ADAMTS9: variants seen among roughly 807,000 people sequenced by gnomAD.
The protein encoded by ADAMTS9 is A disintegrin and metalloproteinase with thrombospondin motifs 9.
ADAMTS9 carries 107 observed loss-of-function variants against 257.1 expected under a neutral mutation model. The observed-to-expected ratio is 0.42, with a 90% confidence interval of 0.36 to 0.49. ADAMTS9 has a LOEUF of 0.49. ADAMTS9 is among the 20% of genes least tolerant of loss of function. The pLI, the probability that ADAMTS9 is intolerant of heterozygous loss-of-function variation, is 0.03. For synonymous variants in ADAMTS9, 982 were observed against 880.9 expected (o/e 1.11, Z -2.03); for missense variants, 2,353 against 2,469.1 (o/e 0.95, Z 1.00).
chr3:64,554,233 G>A (rs1364940003), intron 30 of ADAMTS9, among the ~76,000 whole-genome samples: 2 of 152,190 alleles, frequency 1.3e-5, no homozygotes, highest in Non-Finnish European at 2.9e-5. Context: ...TTAAAGAATG[G>A]TTAACTACTG....
Position 64,522,038 on chromosome 3 carries a change from A to G in ADAMTS9, c.*5+128T>C. On this transcript the variant is annotated intron_variant, in intron 39 of 39. Coordinates refer to ENST00000498707, the MANE Select transcript of ADAMTS9 (RefSeq NM_182920.2). ...ACAGAGGAGCAGGAGATAAAAAGGT[A>G]GAACTGTATTGGGTCAGCTTCAAGA... 4.3e-6 allele frequency: 3 copies of G among 703,444 alleles called. No homozygotes were observed. The South Asian group carries it at 5.5e-5, about 13-fold the overall frequency. 43.6% of individuals were successfully genotyped at this position (703,444 alleles called of 1,614,324 possible).
At chr3:64,676,179 G>A (rs904222973) in intron 3 of ADAMTS9, among the ~76,000 whole-genome samples, 6 of 152,156 alleles carry the variant, frequency 3.9e-5, no homozygotes, top group Non-Finnish European at 7.3e-5. Context: ...TGGTTATTGA[G>A]ACTGCCTCAT....
At chr3:64,568,562 G>T (rs1308502668) in intron 28 of ADAMTS9, 27 bp from the exon 29 acceptor site, 2 of 1,607,198 alleles carry the variant, frequency 1.2e-6, no homozygotes, top group Admixed American at 1.7e-5. Context: ...TGGCAAGGTT[G>T]TTGTTGTTTT....
chr3:64,520,795 C>T (rs1405322069), intron 39 of ADAMTS9, among the ~76,000 whole-genome samples: 1 of 152,072 alleles, frequency 6.6e-6, no homozygotes, highest in Non-Finnish European at 1.5e-5. Context: ...CAAAAAATAA[C>T]TCAGGATACA....
chr3:64,547,699 A>G (rs1576004155), intron 31 of ADAMTS9, among the ~76,000 whole-genome samples: 1 of 151,866 alleles, frequency 6.6e-6, no homozygotes, highest in Non-Finnish European at 1.5e-5. Context: ...GTTGACTGGC[A>G]TGTTACCTTT....
At chr3:64,593,238 C>A (rs1043030263) in intron 28 of ADAMTS9, among the ~76,000 whole-genome samples, 1 of 152,128 alleles carries the variant, frequency 6.6e-6, no homozygotes, top group Non-Finnish European at 1.5e-5. Context: ...AGACACGACC[C>A]CAGCCATTGA....
At chr3:64,581,738 CT>C (rs1456605894) in intron 28 of ADAMTS9, among the ~76,000 whole-genome samples, 1 of 152,192 alleles carries the variant, frequency 6.6e-6, no homozygotes, top group Non-Finnish European at 1.5e-5. Context: ...ATCCACTTCC[CT>C]TATGGAAAAC....
intron 28 of ADAMTS9, among the ~76,000 whole-genome samples, chr3:64,578,446 C>G (rs1461259920): frequency 1.3e-5 from 2 of 152,166 alleles, no homozygotes; most frequent in Non-Finnish European, 2.9e-5. Flanking sequence ...GATTCCTACA[C>G]TACTCTGAGA....
chr3:64,529,464 A>G (rs2082950280), intron 38 of ADAMTS9, among the ~76,000 whole-genome samples: 1 of 152,124 alleles, frequency 6.6e-6, no homozygotes. Flanking sequence ...AAAGCAAAAG[A>G]AAGTGAGGAA....
At chr3:64,657,564 C>T (rs900727697) in intron 4 of ADAMTS9, among the ~76,000 whole-genome samples, 4 of 151,826 alleles carry the variant, frequency 2.6e-5, no homozygotes, top group Non-Finnish European at 4.4e-5. Context: ...TGGTCTTAAA[C>T]TCTGGGCCTC....
chr3:64,679,067 A>C (rs921468813), intron 3 of ADAMTS9, among the ~76,000 whole-genome samples: 1 of 152,078 alleles, frequency 6.6e-6, no homozygotes, highest in Non-Finnish European at 1.5e-5. Context: ...ACCAAAATAG[A>C]CTTTTATTTT....
At chr3:64,629,726 A>C (rs1182376290) in intron 16 of ADAMTS9, among the ~76,000 whole-genome samples, 3 of 152,176 alleles carry the variant, frequency 2.0e-5, no homozygotes, top group Non-Finnish European at 1.5e-5. Flanking sequence ...AGAAGACACA[A>C]ATTTTTTTTT....
rs771094186 is a variant in ADAMTS9, at chr3:64,539,265, C to T, written c.5551G>A (p.Glu1851Lys). The change falls in exon 37 of 40, where the codon GAA (glutamate) becomes AAA (lysine). Residue 1851 changes from glutamate (E) to lysine (K), a missense_variant. Glu to Lys is a moderately conservative substitution (Grantham distance 56, BLOSUM62 1). Coordinates refer to ENST00000498707, the MANE Select transcript of ADAMTS9 (RefSeq NM_182920.2). The stretch of plus-strand genomic sequence containing the variant: ...GTGGCAAAAGGGACGGGATGTCCTT[C>T]GCTTGTCCTTGCAAACTGTAAGTCA... ...TTDLQFARTSEGHPVPFATAG... is the reference protein window; with the variant it reads ...TTDLQFARTSKGHPVPFATAG... The T allele has an allele frequency of 1.1e-5, 18 of 1,613,860 alleles. No individual in the cohort carries two copies. In the African/African-American group the frequency reaches 1.2e-4, roughly 11 times the overall value.
intron 12 of ADAMTS9, among the ~76,000 whole-genome samples, chr3:64,639,049 C>T (rs960202705): frequency 9.9e-5 from 15 of 152,036 alleles, no homozygotes; most frequent in Non-Finnish European, 1.6e-4. Context: ...ACCACTTCTA[C>T]GTTCTACATA....
At position 64,518,765 on chromosome 3, in the gene ADAMTS9, T is replaced by C. The variant is rs951680382; in HGVS notation, c.*6-1644A>G. On this transcript the variant is annotated intron_variant, in intron 39 of 39. Transcript: ENST00000498707. ...GAGGGAATTTATCATTACCTTTTCATTTTTTTTTTTTTTTTTTTTTTTTTT... is the reference window on the plus strand; with the variant it reads ...GAGGGAATTTATCATTACCTTTTCACTTTTTTTTTTTTTTTTTTTTTTTTT... 4.7e-4 allele frequency among the ~76,000 whole-genome samples: 9 copies of C among 19,066 alleles called. No homozygotes were observed. In the Non-Finnish European group the frequency reaches 0.012, roughly 25 times the overall value. The allele number at this position is 19,066 out of a possible 152,430, so 12.5% of individuals were successfully genotyped here.
chr3:64,564,360 A>T (rs2083487226), intron 29 of ADAMTS9, among the ~76,000 whole-genome samples: 1 of 152,186 alleles, frequency 6.6e-6, no homozygotes, highest in South Asian at 2.1e-4. Flanking sequence ...ATGTTTAGGG[A>T]ATCATAATAT....
rs760372324 is a variant in ADAMTS9 at position 64,635,536 on chromosome 3, T to C, written c.1857-1657A>G. Among the ~76,000 whole-genome samples, 176 of 152,328 alleles carry C rather than the reference T, an allele frequency of 1.2e-3. 2 individuals carry two copies. The highest frequency in any genetic ancestry group is 0.01 in the Middle Eastern group (3 of 294). ...AGCACAATTAAGCCCATATACTGTA[T>C]ATCTGCACTATTCATTCAAACTGGG... is the stretch of plus-strand genomic sequence containing the variant. On this transcript the variant is annotated intron_variant, in intron 12 of 39. Coordinates refer to ENST00000498707, the MANE Select transcript of ADAMTS9 (RefSeq NM_182920.2).
intron 3 of ADAMTS9, among the ~76,000 whole-genome samples, chr3:64,659,569 C>T (rs1701175475): frequency 6.6e-6 from 1 of 151,336 alleles, no homozygotes; most frequent in Non-Finnish European, 1.5e-5. Flanking sequence ...GACAGGCTAA[C>T]AGACGATACA....
At chr3:64,682,575 TCTC>T (rs1303051791) in intron 2 of ADAMTS9, among the ~76,000 whole-genome samples, 6 of 152,184 alleles carry the variant, frequency 3.9e-5, no homozygotes, top group Admixed American at 1.3e-4. Context: ...GCTCCACTCT[TCTC>T]CTCCGCTTTC....
Sources: gnomAD v4.1 joint callset for allele counts (sites outside exome capture counted in the v4.1 genomes callset) on GRCh38, gnomAD v4.1.1 for gene constraint, MANE v1.5 for transcripts, NCBI Gene and HGNC (gene_info 2026-07-23, HGNC 2026-07-21) for gene names.